The following IFT57 variants were observed in gnomAD, a reference collection of about 807,000 sequenced individuals.
IFT57 encodes the protein intraflagellar transport protein 57 homolog.
IFT57 carries 59 observed loss-of-function variants against 56.8 expected under a neutral mutation model. That is an observed-to-expected ratio of 1.04 (90% confidence interval 0.84 to 1.29). IFT57 has a LOEUF of 1.29. IFT57 is among the 50% of genes most tolerant of loss of function. The pLI, the probability that IFT57 is intolerant of heterozygous loss-of-function variation, is 0.00. For missense variants in IFT57, 470 were observed against 522.1 expected (o/e 0.90, Z 0.97); for synonymous variants, 209 against 186.1 (o/e 1.12, Z -1.00).
rs910777086 is a variant in IFT57, at chr3:108,169,167, C to T, written c.778-1303G>A. 2.0e-5 allele frequency among the ~76,000 whole-genome samples: 3 copies of T among 151,908 alleles called. 1 individual carries two copies. The highest frequency in any genetic ancestry group is 7.3e-5 in the African/African-American group (3 of 41,378). On this transcript the variant is annotated intron_variant, in intron 6 of 10. Transcript: ENST00000264538. ...CTCACTAGCAGCTGTTGTTTCCAGA[C>T]TTTTTTGATCACCACTCTAACTGGC...
chr3:108,215,915 G>A (rs2701066), intron 3 of IFT57, among the ~76,000 whole-genome samples: 118,591 of 152,038 alleles, frequency 0.78, 47,248 homozygotes, highest in Non-Finnish European at 0.86. Flanking sequence ...TAGTACTGGG[G>A]AAACTGGATA....
At chr3:108,218,003 A>AAATAT (rs57779139) in intron 3 of IFT57, among the ~76,000 whole-genome samples, 116,570 of 149,956 alleles carry the variant, frequency 0.78, 46,307 homozygotes, top group Non-Finnish European at 0.86. Context: ...ACCATAGGAT[A>AAATAT]AATATAATAT....
rs528920978 is a variant in IFT57, at chr3:108,192,388, AGG to A, written c.655-747_655-746del. ...TAGACATACTTGAACTCAATTAGGG[AGG>A]GGGCCAAATTTCTGCATTTGCTTTC... On this transcript the variant is annotated intron_variant, in intron 5 of 10. Coordinates refer to ENST00000264538, the MANE Select transcript of IFT57 (RefSeq NM_018010.4). Among the ~76,000 whole-genome samples the A allele has an allele frequency of 5.3e-5, 8 of 152,186 alleles. No homozygotes were observed. In the South Asian group the frequency reaches 1.7e-3, roughly 31 times the overall value.
intron 3 of IFT57, among the ~76,000 whole-genome samples, chr3:108,215,211 A>C (rs1159777334): frequency 6.6e-6 from 1 of 150,584 alleles, no homozygotes; most frequent in African/African-American, 2.4e-5. Context: ...TTATGAAAAC[A>C]TATTTTTTTT....
At chr3:108,163,612 G>C (rs2080045905) in intron 10 of IFT57, 51 bp downstream of exon 10, 1 of 1,191,988 alleles carries the variant, frequency 8.4e-7, no homozygotes, top group African/African-American at 1.5e-5. Context: ...GTTTCTTGAA[G>C]AGCTATTTTT....
chr3:108,164,402 AAAT>A, intron 9 of IFT57, among the ~76,000 whole-genome samples: 1 of 152,042 alleles, frequency 6.6e-6, no homozygotes, highest in East Asian at 1.9e-4. Context: ...AAGAAATTGA[AAAT>A]TTTTTACATG....
At chr3:108,210,415 C>A (rs1253127773) in intron 4 of IFT57, among the ~76,000 whole-genome samples, 1 of 148,620 alleles carries the variant, frequency 6.7e-6, no homozygotes, top group Non-Finnish European at 1.5e-5. Flanking sequence ...CTCACTGCAA[C>A]CTCCACCTCC....
chr3:108,195,472 T>C (rs960871243), intron 5 of IFT57, among the ~76,000 whole-genome samples: 1 of 152,140 alleles, frequency 6.6e-6, no homozygotes. Context: ...CTGCGGAGCA[T>C]ATACCCAAAA....
chr3:108,178,240 A>G (rs1024956084), intron 6 of IFT57, among the ~76,000 whole-genome samples: 2 of 151,878 alleles, frequency 1.3e-5, no homozygotes, highest in African/African-American at 4.8e-5. Flanking sequence ...TATGAAAACC[A>G]AGTAAGTCTT....
At chr3:108,193,129 T>A (rs1203468114) in intron 5 of IFT57, among the ~76,000 whole-genome samples, 2 of 152,162 alleles carry the variant, frequency 1.3e-5, no homozygotes, top group Non-Finnish European at 2.9e-5. Context: ...CAATATATAT[T>A]TATGTCACTA....
At chr3:108,219,938 A>G (rs2080396476) in intron 1 of IFT57, among the ~76,000 whole-genome samples, 1 of 152,250 alleles carries the variant, frequency 6.6e-6, no homozygotes, top group South Asian at 2.1e-4. Flanking sequence ...AGAACCTCAG[A>G]GTTTAAAAAA....
chr3:108,196,248 C>T (rs1249172358), intron 5 of IFT57, among the ~76,000 whole-genome samples: 1 of 152,144 alleles, frequency 6.6e-6, no homozygotes, highest in Non-Finnish European at 1.5e-5. Flanking sequence ...TGCTCTCCAA[C>T]CCTCATTTCC....
At chr3:108,166,602 C>A (rs879416897) in intron 8 of IFT57, among the ~76,000 whole-genome samples, 2 of 152,082 alleles carry the variant, frequency 1.3e-5, no homozygotes, top group African/African-American at 2.4e-5. Context: ...GTTCCCCCAA[C>A]AGCATATGCC....
intron 5 of IFT57, among the ~76,000 whole-genome samples, chr3:108,194,416 T>C (rs1284195631): frequency 6.6e-6 from 1 of 152,056 alleles, no homozygotes; most frequent in Admixed American, 6.6e-5. Context: ...CTGTCCATAC[T>C]ACCCAAAGCA....
At position 108,219,502 on chromosome 3, in the gene IFT57, T is replaced by C. The variant is rs779904309; in HGVS notation, c.283A>G (p.Ile95Val). 6.2e-7 allele frequency: 1 copy of C among 1,613,932 alleles called. No homozygotes were observed. The highest frequency in any genetic ancestry group is 8.5e-7 in the Non-Finnish European group (1 of 1,179,826). The change falls in exon 2 of 11, where the codon ATT (isoleucine) becomes GTT (valine). Residue 95 changes from isoleucine to valine, a missense_variant. Transcript: ENST00000264538. ...TCAAAGGGACGTCCCGCTTTATTAATCAACCAAGCAGCAAGAGTACAAAAC... is the reference window on the plus strand; with the variant it reads ...TCAAAGGGACGTCCCGCTTTATTAACCAACCAAGCAGCAAGAGTACAAAAC... ...YMFCTLAAWL[I>V]NKAGRPFEQP...
At chr3:108,210,255 C>G (rs56327991) in intron 4 of IFT57, among the ~76,000 whole-genome samples, 10,674 of 151,248 alleles carry the variant, frequency 0.071, 1,201 homozygotes, top group East Asian at 0.53. Context: ...TGTGTCCTAA[C>G]TTGATATGGG....
intron 6 of IFT57, among the ~76,000 whole-genome samples, chr3:108,176,727 C>T (rs2080125855): frequency 6.6e-6 from 1 of 151,800 alleles, no homozygotes; most frequent in Admixed American, 6.6e-5. Flanking sequence ...AGCTTCAGTA[C>T]AGTTTCTTCT....
At chr3:108,206,858 C>T (rs543671245) in intron 4 of IFT57, among the ~76,000 whole-genome samples, 162 bp from the exon 5 acceptor site, 1 of 151,780 alleles carries the variant, frequency 6.6e-6, no homozygotes, top group South Asian at 2.1e-4. Flanking sequence ...AAGTAGGGCA[C>T]AATATTATTA....
intron 5 of IFT57, 108 bp downstream of exon 5, chr3:108,206,519 GA>G (rs2080314703): frequency 6.8e-6 from 3 of 438,404 alleles, no homozygotes; most frequent in African/African-American, 6.2e-5. Flanking sequence ...AGCTACTTTT[GA>G]AACAGCATAC....
Sources: allele counts gnomAD v4.1 joint callset (sites outside exome capture counted in the v4.1 genomes callset), GRCh38; gene constraint gnomAD v4.1.1; transcripts MANE v1.5; gene names NCBI Gene and HGNC (gene_info 2026-07-23, HGNC 2026-07-21).